The following SAP18 variants were observed in gnomAD, a reference collection of about 807,000 sequenced individuals.
SAP18 encodes the protein Sin3A associated protein 18, also known as histone deacetylase complex subunit SAP18.
In SAP18, 4 loss-of-function variants were observed where a neutral mutation model predicts 18.6. That is an observed-to-expected ratio of 0.21 (90% CI 0.11 to 0.49). The LOEUF is 0.49. Among genes scored for constraint, SAP18 ranks in the 20% least tolerant of loss-of-function variants. The probability of loss-of-function intolerance (pLI) is 0.98; values close to 1 mark genes in which losing one functional copy is unlikely to be tolerated. For synonymous variants in SAP18, 112 were observed against 82.8 expected, an observed-to-expected ratio of 1.35 and a Z score of -1.92; for missense variants, 170 against 226.4, an observed-to-expected ratio of 0.75 and a Z score of 1.60.
chr13:21,143,248 G>A (rs1869533040), intron 2 of SAP18, among the ~76,000 whole-genome samples: 1 of 152,170 alleles, frequency 6.6e-6, no homozygotes, highest in South Asian at 2.1e-4. Context: ...GGATTACTGG[G>A]TCATATGTTA....
chr13:21,148,626 C>G (rs1416632390), exon 4 of SAP18: 1 of 152,140 alleles, frequency 6.6e-6, no homozygotes, highest in African/African-American at 2.4e-5. Flanking sequence ...GAGCCTAGAT[C>G]TGGTGCTTCT....
In SAP18 at chr13:21,141,000, G is replaced by A; in HGVS notation, c.239+5G>A. ...CGAGTTGCAGATCTACACTTGGTGAGGAGGGCGGGGTGGCCTCAGGGACCC... is the reference window on the plus strand; with the variant it reads ...CGAGTTGCAGATCTACACTTGGTGAAGAGGGCGGGGTGGCCTCAGGGACCC... On this transcript the variant is annotated splice_donor_5th_base_variant and intron_variant, in intron 2 of 3. Transcript: ENST00000621421. 1 of 1,600,502 alleles carries A rather than the reference G, an allele frequency of 6.2e-7. No individual in the cohort carries two copies. The highest frequency in any genetic ancestry group is 8.6e-7 in the Non-Finnish European group (1 of 1,168,284).
chr13:21,144,312 G>A (rs1387198037), intron 2 of SAP18, among the ~76,000 whole-genome samples: 1 of 150,366 alleles, frequency 6.7e-6, no homozygotes, highest in African/African-American at 2.5e-5. Context: ...GGCTGAGGCA[G>A]GAGAATTGCT....
At chr13:21,141,203 C>A in intron 2 of SAP18, 1 of 583,992 alleles carries the variant, frequency 1.7e-6, no homozygotes, top group Non-Finnish European at 3.1e-6. Flanking sequence ...ATTAATGTTG[C>A]AACTTTTGGG....
intron 2 of SAP18, among the ~76,000 whole-genome samples, chr13:21,145,186 C>T (rs1463494716): frequency 1.3e-5 from 2 of 151,462 alleles, no homozygotes; most frequent in Non-Finnish European, 2.9e-5. Flanking sequence ...CCTGCCTCAG[C>T]CTCCTGAGTA....
At position 21,140,874 on chromosome 13, in the gene SAP18, T is replaced by A. The variant is rs1261193642; in HGVS notation, c.130-12T>A. ...TTTTAACTTCTGCCCTTCCGTTTTC[T>A]CTCTCCCTCAGACATGCCCACTGTT... On this transcript the variant is annotated splice_polypyrimidine_tract_variant and intron_variant, in intron 1 of 3. Coordinates refer to ENST00000621421, the Ensembl canonical transcript of SAP18. 6 of 1,609,610 alleles carry A rather than the reference T, an allele frequency of 3.7e-6. No individual in the cohort carries two copies. Among genetic ancestry groups the A allele is most frequent in the Middle Eastern group, 1.6e-4 (1 of 6,074 alleles).
intron 2 of SAP18, 136 bp downstream of exon 2, chr13:21,141,131 G>A: frequency 1.5e-6 from 1 of 647,260 alleles, no homozygotes; most frequent in South Asian, 1.8e-5. Context: ...TCAGCTTTCA[G>A]GAAGTTAGAA....
exon 4 of SAP18, chr13:21,147,620 A>G (rs1869693882): frequency 3.0e-6 from 1 of 337,774 alleles, no homozygotes. Flanking sequence ...TGTGAAAGTT[A>G]ATGGAGGCCT....
exon 3 of SAP18, chr13:21,146,912 A>G: frequency 1.2e-6 from 2 of 1,611,544 alleles, no homozygotes; most frequent in Non-Finnish European, 1.7e-6. Context: ...ACAGATGTTA[A>G]AAGACCTGGC....
At chr13:21,148,329 CAAT>C (rs760520538) in exon 4 of SAP18, 4 of 152,052 alleles carry the variant, frequency 2.6e-5, no homozygotes, top group Non-Finnish European at 4.4e-5. Flanking sequence ...AAATGAGAAA[CAAT>C]AAATACTGAT....
intron 2 of SAP18, chr13:21,146,367 A>G: frequency 6.5e-6 from 1 of 153,852 alleles, no homozygotes; most frequent in East Asian, 1.9e-4. Flanking sequence ...TCAGTATGAA[A>G]ATGCTTTCCT....
rs368287644 is a variant in SAP18, at chr13:21,140,570, C to T, written c.18C>T (p.Val6=). The change falls in exon 1 of 4, where the codon GTC becomes GTT. Residue 6 remains valine, a synonymous_variant. Transcript: ENST00000621421. ...TAGTGCTCATGCTCGCTGCAGGGGTCGGAGGTCAGGGCGAGCGTCTCGCAG... is the reference window on the plus strand; with the variant it reads ...TAGTGCTCATGCTCGCTGCAGGGGTTGGAGGTCAGGGCGAGCGTCTCGCAG... The T allele has an allele frequency of 3.2e-5, 51 of 1,601,060 alleles. No individual in the cohort carries two copies. In the African/African-American group the frequency reaches 4.2e-4, roughly 13 times the overall value.
At chr13:21,142,827 A>G (rs1182011845) in intron 2 of SAP18, among the ~76,000 whole-genome samples, 1 of 152,150 alleles carries the variant, frequency 6.6e-6, no homozygotes, top group Non-Finnish European at 1.5e-5. Flanking sequence ...AGCTGGGACT[A>G]CAGGCACACA....
rs1869440373 is a variant in SAP18 at position 21,140,871 on chromosome 13, T to TTC, written c.130-8_130-7dup. On this transcript the variant is annotated splice_polypyrimidine_tract_variant and intron_variant, in intron 1 of 3. Coordinates refer to ENST00000621421, the Ensembl canonical transcript of SAP18. Reference sequence around the variant, plus strand: ...TGTTTTTAACTTCTGCCCTTCCGTTTTCTCTCTCCCTCAGACATGCCCACT... The same window carrying TTC: ...TGTTTTTAACTTCTGCCCTTCCGTTTTCTCTCTCTCCCTCAGACATGCCCACT... 6.2e-7 allele frequency: 1 copy of TTC among 1,608,572 alleles called. No homozygotes were observed. The highest frequency in any genetic ancestry group is 2.2e-5 in the East Asian group (1 of 44,834).
intron 2 of SAP18, among the ~76,000 whole-genome samples, chr13:21,142,692 T>G (rs150862989): frequency 6.6e-6 from 1 of 152,220 alleles, no homozygotes; most frequent in African/African-American, 2.4e-5. Context: ...GCAACCACTG[T>G]TTCTACAAGT....
chr13:21,141,774 C>A (rs1869475692), intron 2 of SAP18, among the ~76,000 whole-genome samples: 1 of 152,002 alleles, frequency 6.6e-6, no homozygotes. Context: ...TCAATTGATT[C>A]TTCTGACTCA....
At chr13:21,144,131 G>A (rs1361059867) in intron 2 of SAP18, among the ~76,000 whole-genome samples, 2 of 152,274 alleles carry the variant, frequency 1.3e-5, no homozygotes, top group African/African-American at 4.8e-5. Context: ...TTTCTGCTGG[G>A]CGTGGTGGCT....
intron 2 of SAP18, chr13:21,141,730 C>T (rs1310233840): frequency 6.6e-6 from 1 of 151,968 alleles, no homozygotes; most frequent in Non-Finnish European, 1.5e-5. Flanking sequence ...GCAGTGGTGC[C>T]ATCTCGGCTC....
rs184820822 is a variant in SAP18 at position 21,142,265 on chromosome 13, C to T, written c.239+1270C>T. On this transcript the variant is annotated intron_variant, in intron 2 of 3. Coordinates refer to ENST00000621421, the Ensembl canonical transcript of SAP18. ...TTGTGCCACTGTACTCCAGCCTGGG[C>T]GACAGAGCGAGACTCTGTCTCAAAA... Among the ~76,000 whole-genome samples the T allele has an allele frequency of 1.2e-3, 187 of 149,730 alleles. 3 individuals carry two copies. Among genetic ancestry groups the T allele is most frequent in the Admixed American group, 0.011 (166 of 15,046 alleles).
Sources: gnomAD v4.1 joint callset for allele counts (sites outside exome capture counted in the v4.1 genomes callset) on GRCh38, gnomAD v4.1.1 for gene constraint, MANE v1.5 for transcripts, NCBI Gene and HGNC (gene_info 2026-07-23, HGNC 2026-07-21) for gene names.